The following CALN1 variants were observed in gnomAD, a reference collection of about 807,000 sequenced individuals.
CALN1 encodes calcium-binding protein 8.
Under a neutral mutation model 30.6 loss-of-function variants are expected in CALN1, and 17 were observed. That is an observed-to-expected ratio of 0.56 (90% CI 0.38 to 0.83). The LOEUF (loss-of-function observed/expected upper bound fraction) is 0.83. CALN1 is among the 40% of genes least tolerant of loss of function. CALN1 has a pLI of 0.00. For synonymous variants in CALN1, 156 were observed against 131.4 expected, an observed-to-expected ratio of 1.19 and a Z score of -1.28; for missense variants, 291 against 354.9, an observed-to-expected ratio of 0.82 and a Z score of 1.45.
chr7:72,411,143 G>A (rs770594766), intron 1 of CALN1, among the ~76,000 whole-genome samples: 9 of 151,984 alleles, frequency 5.9e-5, no homozygotes, highest in South Asian at 2.1e-4. Context: ...AAACATAAAG[G>A]TTTTACAGAT....
rs1585090938 is a variant in CALN1, at chr7:72,173,564, G to A, written c.245-67270C>T. On this transcript the variant is annotated intron_variant, in intron 3 of 6. Transcript: ENST00000395275. Reference sequence around the variant, plus strand: ...TGCAGCTGATCTCAAGACTTATTCTGAAGGCCCAGTCAAAAGGACAGACTT... The same window carrying A: ...TGCAGCTGATCTCAAGACTTATTCTAAAGGCCCAGTCAAAAGGACAGACTT... Among the ~76,000 whole-genome samples, 4 of 152,272 alleles carry A rather than the reference G, an allele frequency of 2.6e-5. No individual in the cohort carries two copies. The South Asian group carries it at 8.3e-4, about 32-fold the overall frequency.
chr7:71,971,901 A>T (rs575190826), intron 5 of CALN1, among the ~76,000 whole-genome samples: 150 of 137,086 alleles, frequency 1.1e-3, no homozygotes, highest in Non-Finnish European at 2.0e-3. Context: ...ACTGCACTCC[A>T]GCCTGAGCAA....
intron 5 of CALN1, among the ~76,000 whole-genome samples, chr7:71,920,469 G>A (rs551346703): frequency 6.6e-6 from 1 of 150,812 alleles, no homozygotes; most frequent in South Asian, 2.1e-4. Context: ...CCGAGTAGCT[G>A]AGACTGCAGG....
intron 2 of CALN1, among the ~76,000 whole-genome samples, chr7:72,335,615 G>C (rs1028122825): frequency 6.6e-6 from 1 of 152,220 alleles, no homozygotes; most frequent in African/African-American, 2.4e-5. Context: ...CTCAGGGCCT[G>C]GGGATGGCTG....
At position 72,205,551 on chromosome 7, in the gene CALN1, A is replaced by ATATATATACATATATATATATAT. The variant is rs1554319582; in HGVS notation, c.244+73134_244+73135insATATATATATATATGTATATATA. Among the ~76,000 whole-genome samples the ATATATATACATATATATATATAT allele has an allele frequency of 1.3e-4, 11 of 83,044 alleles. 1 individual carries two copies. The South Asian group carries it at 2.4e-3, about 18-fold the overall frequency. 54.5% of individuals were successfully genotyped at this position (83,044 alleles called of 152,430 possible). A position where few individuals can be genotyped will look rare whatever the true frequency, so the allele number is the denominator to read the frequency against. On this transcript the variant is annotated intron_variant, in intron 3 of 6. Coordinates refer to ENST00000395275, the MANE Select transcript of CALN1 (RefSeq NM_031468.4). ...ATTTTTCTCCTGATTGCAAAAAAAA[A>ATATATATACATATATATATATAT]ATATATATATATATATGTATATATA...
chr7:72,338,663 T>C (rs562772916), intron 2 of CALN1, among the ~76,000 whole-genome samples: 1 of 152,184 alleles, frequency 6.6e-6, no homozygotes, highest in East Asian at 1.9e-4. Context: ...TTTAAATATG[T>C]TTTTGTTATT....
rs1201568257 is a variant in CALN1 at position 72,345,336 on chromosome 7, G to C, written c.119+57915C>G. ...AATAGCAAGAGAAGGAAAGAAAGAA[G>C]AAAGTGGAAGGAAAGAAAGAGAAGG... On this transcript the variant is annotated intron_variant, in intron 2 of 6. Transcript: ENST00000395275. 5.8e-5 allele frequency among the ~76,000 whole-genome samples: 7 copies of C among 120,038 alleles called. No individual in the cohort carries two copies. The Admixed American group carries it at 6.8e-4, about 12-fold the overall frequency. The allele number at this position is 120,038 out of a possible 152,430, so 78.7% of individuals were successfully genotyped here.
intron 5 of CALN1, among the ~76,000 whole-genome samples, chr7:71,959,322 T>C (rs1797120553): frequency 1.3e-5 from 2 of 152,222 alleles, no homozygotes; most frequent in South Asian, 4.1e-4. Flanking sequence ...TGTCCAGAAG[T>C]GTGTTCTGTT....
At chr7:71,877,930 T>C (rs1013714051) in intron 5 of CALN1, among the ~76,000 whole-genome samples, 2 of 152,190 alleles carry the variant, frequency 1.3e-5, no homozygotes, top group Non-Finnish European at 2.9e-5. Context: ...TAGTCAAATG[T>C]CAGCATGCAT....
intron 2 of CALN1, among the ~76,000 whole-genome samples, chr7:72,328,714 G>A (rs1014960514): frequency 3.3e-5 from 5 of 152,150 alleles, no homozygotes; most frequent in African/African-American, 1.2e-4. Context: ...TACTTTTGTT[G>A]AGACAGAGTC....
At chr7:72,207,207 T>C (rs1403121200) in intron 3 of CALN1, among the ~76,000 whole-genome samples, 5 of 152,164 alleles carry the variant, frequency 3.3e-5, no homozygotes, top group Non-Finnish European at 5.9e-5. Context: ...CCCGATTCAC[T>C]AGGCTCCAAC....
chr7:72,249,930 C>G lies in CALN1; in HGVS notation c.244+28756G>C, dbSNP rs1286611682. ...CCAGCCTGGGTGACAGAGTGAGACC[C>G]TATCTCAAAACAAACCAAAAAAAAA... On this transcript the variant is annotated intron_variant, in intron 3 of 6. Coordinates refer to ENST00000395275, the MANE Select transcript of CALN1 (RefSeq NM_031468.4). Among the ~76,000 whole-genome samples the G allele has an allele frequency of 5.5e-5, 7 of 128,388 alleles. No individual in the cohort carries two copies. In the Admixed American group the frequency reaches 6.1e-4, roughly 11 times the overall value. The allele number at this position is 128,388 out of a possible 152,430, so 84.2% of individuals were successfully genotyped here. A position where few individuals can be genotyped will look rare whatever the true frequency, so the allele number is the denominator to read the frequency against.
rs116338168 is a variant in CALN1, at chr7:72,330,622, G to A, written c.120-51812C>T. 6.9e-3 allele frequency among the ~76,000 whole-genome samples: 1,054 copies of A among 152,190 alleles called. 14 individuals carry two copies. Among genetic ancestry groups the A allele is most frequent in the African/African-American group, 0.024 (1,005 of 41,506 alleles). ...TATAAGGGTACCATCTCTGTCTGAC[G>A]AATTCATCATTTTCCCCAGTACCTG... On this transcript the variant is annotated intron_variant, in intron 2 of 6. Coordinates refer to ENST00000395275, the MANE Select transcript of CALN1 (RefSeq NM_031468.4).
intron 3 of CALN1, among the ~76,000 whole-genome samples, chr7:72,229,506 A>T (rs11767480): frequency 0.18 from 28,006 of 151,850 alleles, 3,606 homozygotes; most frequent in East Asian, 0.43. Flanking sequence ...AGCACTATTT[A>T]CAATGGGAAA....
intron 2 of CALN1, among the ~76,000 whole-genome samples, chr7:72,398,032 G>A (rs1562947457): frequency 1.3e-5 from 2 of 152,120 alleles, no homozygotes; most frequent in Non-Finnish European, 2.9e-5. Flanking sequence ...AAGCATTGTG[G>A]GGAAGTAGGA....
At chr7:72,139,866 C>A (rs1300699106) in intron 3 of CALN1, among the ~76,000 whole-genome samples, 1 of 152,168 alleles carries the variant, frequency 6.6e-6, no homozygotes, top group Non-Finnish European at 1.5e-5. Context: ...ATGACAAACA[C>A]CTATTTATTC....
chr7:72,029,360 C>G (rs572160997), intron 4 of CALN1, among the ~76,000 whole-genome samples: 133 of 152,224 alleles, frequency 8.7e-4, no homozygotes, highest in Non-Finnish European at 1.5e-3. Context: ...GTGATCCGCC[C>G]ACCTCAGCCT....
At chr7:72,317,607 C>A (rs1348080004) in intron 2 of CALN1, among the ~76,000 whole-genome samples, 1 of 152,144 alleles carries the variant, frequency 6.6e-6, no homozygotes, top group African/African-American at 2.4e-5. Context: ...GCGAACTGGG[C>A]TGCTGCCACT....
intron 2 of CALN1, among the ~76,000 whole-genome samples, chr7:72,329,416 C>T (rs1299143508): frequency 3.9e-5 from 6 of 152,170 alleles, no homozygotes; most frequent in African/African-American, 1.4e-4. Context: ...CCCTCAGTGG[C>T]TTCTACTGAA....
Sources: gnomAD v4.1 joint callset for allele counts (sites outside exome capture counted in the v4.1 genomes callset) on GRCh38, gnomAD v4.1.1 for gene constraint, MANE v1.5 for transcripts, NCBI Gene and HGNC (gene_info 2026-07-23, HGNC 2026-07-21) for gene names.